Variants in ADGRE3 observed in about 807,000 individuals in gnomAD.
The protein encoded by ADGRE3 is EGF-like module receptor 3.
Under a neutral mutation model 80.1 loss-of-function variants are expected in ADGRE3, and 88 were observed. The observed-to-expected ratio is 1.10, with a 90% CI of 0.93 to 1.31. The LOEUF (loss-of-function observed/expected upper bound fraction) is 1.31, where lower values mean the gene tolerates loss of function less well. ADGRE3 is among the 40% of genes most tolerant of loss of function. ADGRE3 has a pLI of 0.00. For synonymous variants in ADGRE3, 281 were observed against 294.8 expected (o/e 0.95, Z 0.48); for missense variants, 715 against 776.5 (o/e 0.92, Z 0.94).
intron 2 of ADGRE3, among the ~76,000 whole-genome samples, chr19:14,667,524 G>C (rs1057248876): frequency 6.6e-5 from 10 of 152,070 alleles, no homozygotes; most frequent in African/African-American, 2.4e-4. Flanking sequence ...AAAATGATGA[G>C]TTCATGTCCT....
chr19:14,636,440 C>T lies in ADGRE3; in HGVS notation c.1484+1665G>A, dbSNP rs1349862184. ...CAGGCTGGTCCCGCACTCCTGGCCT[C>T]AAACGATTCTCCCGCCTTGGCCTCC... On this transcript the variant is annotated intron_variant, in intron 11 of 15. Transcript: ENST00000253673. Among the ~76,000 whole-genome samples, 18 of 151,712 alleles carry T rather than the reference C, an allele frequency of 1.2e-4. 1 individual carries two copies. Among genetic ancestry groups the T allele is most frequent in the Non-Finnish European group, 2.9e-5 (2 of 67,942 alleles).
the ADGRE3 span, among the ~76,000 whole-genome samples, chr19:14,611,936 G>A: frequency 4.6e-4 from 70 of 152,106 alleles, no homozygotes; most frequent in Non-Finnish European, 8.7e-4. Context: ...CCCAGGAGGC[G>A]GAGGTTGCAG....
At chr19:14,656,373 AAG>A (rs1382266144) in intron 5 of ADGRE3, among the ~76,000 whole-genome samples, 6 of 62,280 alleles carry the variant, frequency 9.6e-5, no homozygotes, top group African/African-American at 2.7e-4. Context: ...AAAAAAAGAA[AAG>A]AAAAAAAAAA....
chr19:14,616,356 A>C (rs960740105), downstream of ADGRE3, among the ~76,000 whole-genome samples: 1 of 151,876 alleles, frequency 6.6e-6, no homozygotes, highest in African/African-American at 2.4e-5. Context: ...CTTATCTCAG[A>C]GTTTGCTTTT....
chr19:14,657,466 A>AAC (rs1475665414), intron 5 of ADGRE3, among the ~76,000 whole-genome samples: 1 of 151,876 alleles, frequency 6.6e-6, no homozygotes, highest in Admixed American at 6.6e-5. Flanking sequence ...TTTAGATGGC[A>AAC]ACACACACAC....
Position 14,664,290 on chromosome 19 carries a change from A to C in ADGRE3, c.77-750T>G, listed in dbSNP as rs571925398. Among the ~76,000 whole-genome samples, 9 of 152,174 alleles carry C rather than the reference A, an allele frequency of 5.9e-5. No homozygotes were observed. The South Asian group carries it at 1.9e-3, about 32-fold the overall frequency. ...CCATCTCTACTGAAAATACAAAATT[A>C]GCCAGGCGTAGTGGCACATGCCTGT... On this transcript the variant is annotated intron_variant, in intron 2 of 15. Transcript: ENST00000253673.
At chr19:14,622,224 T>C in intron 15 of ADGRE3, 1 of 794,060 alleles carries the variant, frequency 1.3e-6, no homozygotes, top group East Asian at 2.7e-5. Flanking sequence ...TGTCCGTTGC[T>C]GGCTTCACAA....
the ADGRE3 span, among the ~76,000 whole-genome samples, chr19:14,609,104 A>G: frequency 3.7e-3 from 569 of 152,208 alleles, 4 homozygotes; most frequent in African/African-American, 0.013. Flanking sequence ...CTGGCGGAAC[A>G]TTGGCTGCTA....
chr19:14,623,305 A>AT (rs1970642258), intron 15 of ADGRE3, among the ~76,000 whole-genome samples: 2 of 27,300 alleles, frequency 7.3e-5, no homozygotes, highest in East Asian at 5.1e-4. Flanking sequence ...AAAATAAAAA[A>AT]AAAAAAAAAT....
chr19:14,638,909 T>C (rs560647590), intron 10 of ADGRE3, among the ~76,000 whole-genome samples: 1 of 152,270 alleles, frequency 6.6e-6, no homozygotes, highest in South Asian at 2.1e-4. Flanking sequence ...TTTGTTCTAT[T>C]TTATTTCTTT....
At chr19:14,634,345 T>C (rs966933640) in intron 11 of ADGRE3, among the ~76,000 whole-genome samples, 3 of 152,212 alleles carry the variant, frequency 2.0e-5, no homozygotes, top group African/African-American at 4.8e-5. Flanking sequence ...TAGAGCCTTA[T>C]TGAACCTATT....
intron 11 of ADGRE3, among the ~76,000 whole-genome samples, chr19:14,635,439 C>T (rs1348617507): frequency 1.4e-5 from 2 of 142,856 alleles, no homozygotes; most frequent in East Asian, 2.1e-4. Flanking sequence ...GACAGAGTTT[C>T]GCTCTTGTTG....
intron 8 of ADGRE3, 104 bp downstream of exon 8, chr19:14,647,077 G>T: frequency 2.4e-6 from 2 of 830,132 alleles, no homozygotes; most frequent in South Asian, 1.8e-5. Flanking sequence ...TCCTGACTAC[G>T]ACCCTGAACA....
chr19:14,672,642 C>T (rs1478715068), intron 1 of ADGRE3, among the ~76,000 whole-genome samples: 2 of 152,108 alleles, frequency 1.3e-5, no homozygotes, highest in Non-Finnish European at 2.9e-5. Flanking sequence ...ATCATTTGAG[C>T]TCTGTTGCTC....
At chr19:14,623,957 G>A (rs79757160) in intron 15 of ADGRE3, among the ~76,000 whole-genome samples, 117 of 152,252 alleles carry the variant, frequency 7.7e-4, no homozygotes, top group African/African-American at 2.6e-3. Context: ...TACCCTCCAG[G>A]AAAGCAAGTT....
chr19:14,639,768 G>A (rs1033579039), intron 10 of ADGRE3, among the ~76,000 whole-genome samples: 2 of 152,114 alleles, frequency 1.3e-5, no homozygotes, highest in African/African-American at 4.8e-5. Flanking sequence ...TACAAAAATA[G>A]CTCTCTGCCC....
chr19:14,648,412 A>G (rs1239635847), intron 7 of ADGRE3, among the ~76,000 whole-genome samples: 1 of 152,168 alleles, frequency 6.6e-6, no homozygotes, highest in Admixed American at 6.5e-5. Context: ...ATCAGAGCAG[A>G]TGGACAGACG....
intron 2 of ADGRE3, among the ~76,000 whole-genome samples, chr19:14,667,395 T>C (rs1338991778): frequency 6.6e-6 from 1 of 151,844 alleles, no homozygotes; most frequent in Non-Finnish European, 1.5e-5. Flanking sequence ...AAATTTACCA[T>C]CTTAGTGCAG....
downstream of ADGRE3, among the ~76,000 whole-genome samples, chr19:14,617,320 G>T (rs199750939): frequency 2.5e-4 from 11 of 43,916 alleles, no homozygotes; most frequent in South Asian, 1.2e-3. Flanking sequence ...TCTTCCCCTT[G>T]CTTCCCTCCC....
Sources: allele counts gnomAD v4.1 joint callset (sites outside exome capture counted in the v4.1 genomes callset), GRCh38; gene constraint gnomAD v4.1.1; transcripts MANE v1.5; gene names NCBI Gene and HGNC (gene_info 2026-07-23, HGNC 2026-07-21).